The following ERBB4 variants were observed in gnomAD, a reference collection of about 807,000 sequenced individuals.
The protein encoded by ERBB4 is receptor tyrosine-protein kinase erbB-4.
ERBB4 carries 42 observed loss-of-function variants against 158.0 expected under a neutral mutation model. That is an observed-to-expected ratio of 0.27 (90% confidence interval 0.21 to 0.34). ERBB4 has a LOEUF of 0.34. Among genes scored for constraint, ERBB4 ranks in the 10% least tolerant of loss-of-function variants. The pLI, the probability that ERBB4 is intolerant of heterozygous loss-of-function variation, is 1.00. For synonymous variants in ERBB4, 583 were observed against 558.7 expected, an observed-to-expected ratio of 1.04 and a Z score of -0.61; for missense variants, 1,333 against 1,624.1, an observed-to-expected ratio of 0.82 and a Z score of 3.08.
At chr2:211,699,216 G>A (rs1184933969) in intron 12 of ERBB4, among the ~76,000 whole-genome samples, 1 of 152,172 alleles carries the variant, frequency 6.6e-6, no homozygotes, top group Non-Finnish European at 1.5e-5. Flanking sequence ...TTTTCTAGGT[G>A]TGTATATATG....
chr2:212,182,489 G>A (rs1277342861), intron 1 of ERBB4, among the ~76,000 whole-genome samples: 1 of 151,804 alleles, frequency 6.6e-6, no homozygotes, highest in East Asian at 1.9e-4. Context: ...ACTTCCTAGG[G>A]ATGTAAATGC....
intron 12 of ERBB4, among the ~76,000 whole-genome samples, chr2:211,691,329 G>A (rs1388109373): frequency 6.6e-6 from 1 of 152,048 alleles, no homozygotes; most frequent in Admixed American, 6.6e-5. Flanking sequence ...TTTTAATACA[G>A]GGTCTGAGAC....
intron 1 of ERBB4, among the ~76,000 whole-genome samples, chr2:212,130,129 T>C (rs1012898865): frequency 2.6e-5 from 4 of 152,076 alleles, no homozygotes; most frequent in Non-Finnish European, 5.9e-5. Context: ...AATTGAAAAA[T>C]TGTCTTCAGC....
intron 3 of ERBB4, among the ~76,000 whole-genome samples, chr2:211,848,811 A>G (rs1378670364): frequency 6.6e-6 from 1 of 152,068 alleles, no homozygotes; most frequent in Non-Finnish European, 1.5e-5. Context: ...GTAATGCATG[A>G]ATAACAAATA....
intron 20 of ERBB4, among the ~76,000 whole-genome samples, chr2:211,505,914 C>T (rs987988283): frequency 6.8e-6 from 1 of 146,976 alleles, no homozygotes; most frequent in East Asian, 2.1e-4. Context: ...GAGCCAAGAT[C>T]GCACCACTGC....
At chr2:211,575,699 G>A (rs1032380201) in intron 19 of ERBB4, among the ~76,000 whole-genome samples, 1 of 151,980 alleles carries the variant, frequency 6.6e-6, no homozygotes, top group African/African-American at 2.4e-5. Context: ...CAAGCAACTC[G>A]ACAAAATTAG....
intron 18 of ERBB4, among the ~76,000 whole-genome samples, chr2:211,621,798 C>G (rs2069615020): frequency 6.6e-6 from 1 of 151,840 alleles, no homozygotes. Context: ...TATTTCTGTT[C>G]TTCATAAACA....
At chr2:211,393,740 C>CGTGTGTGTGTGT (rs58472959) in intron 25 of ERBB4, among the ~76,000 whole-genome samples, 1 of 146,240 alleles carries the variant, frequency 6.8e-6, no homozygotes, top group Non-Finnish European at 1.5e-5. Context: ...GAGTTAATAG[C>CGTGTGTGTGTGT]GTGTGTGTGT....
chr2:212,047,977 T>C (rs1162100068), intron 2 of ERBB4, among the ~76,000 whole-genome samples: 3 of 152,268 alleles, frequency 2.0e-5, no homozygotes, highest in Non-Finnish European at 4.4e-5. Context: ...TTGATGTGTA[T>C]GGAGAGGGTT....
At chr2:212,058,220 C>A (rs1012339504) in intron 2 of ERBB4, among the ~76,000 whole-genome samples, 2 of 152,176 alleles carry the variant, frequency 1.3e-5, no homozygotes, top group African/African-American at 4.8e-5. Flanking sequence ...GACACATACA[C>A]CCTCCCAAGA....
chr2:212,237,378 G>C (rs2083918482), intron 1 of ERBB4, among the ~76,000 whole-genome samples: 1 of 152,110 alleles, frequency 6.6e-6, no homozygotes, highest in African/African-American at 2.4e-5. Context: ...TCCACTCCAG[G>C]TCTTGTTTGC....
intron 20 of ERBB4, among the ~76,000 whole-genome samples, chr2:211,481,171 T>G (rs115525029): frequency 0.021 from 3,238 of 152,242 alleles, 51 homozygotes; most frequent in Middle Eastern, 0.037. Flanking sequence ...AATACCACTT[T>G]GAACTTAGAA....
At chr2:211,410,831 T>G (rs2063241232) in intron 25 of ERBB4, among the ~76,000 whole-genome samples, 1 of 152,168 alleles carries the variant, frequency 6.6e-6, no homozygotes, top group Non-Finnish European at 1.5e-5. Context: ...CCCAACCCTA[T>G]GAAAATCCTT....
At chr2:212,166,241 A>G (rs2081343350) in intron 1 of ERBB4, among the ~76,000 whole-genome samples, 1 of 152,044 alleles carries the variant, frequency 6.6e-6, no homozygotes. Context: ...CAGCTTTATT[A>G]TTAGGGATCT....
At chr2:212,413,633 G>A (rs2091568617) in intron 1 of ERBB4, among the ~76,000 whole-genome samples, 1 of 151,958 alleles carries the variant, frequency 6.6e-6, no homozygotes, top group Admixed American at 6.6e-5. Flanking sequence ...ATACGATATG[G>A]GAACAGTATG....
At chr2:212,232,971 C>A in intron 1 of ERBB4, among the ~76,000 whole-genome samples, 1 of 152,030 alleles carries the variant, frequency 6.6e-6, no homozygotes, top group East Asian at 1.9e-4. Context: ...AAATTCTAGA[C>A]AGAATTGGAA....
chr2:212,055,844 A>G (rs2077547704), intron 2 of ERBB4, among the ~76,000 whole-genome samples: 1 of 152,230 alleles, frequency 6.6e-6, no homozygotes, highest in African/African-American at 2.4e-5. Flanking sequence ...AGAGGACAAA[A>G]GCCGAAAATT....
intron 1 of ERBB4, among the ~76,000 whole-genome samples, chr2:212,446,744 G>C (rs1560348352): frequency 6.8e-6 from 1 of 147,674 alleles, no homozygotes; most frequent in Non-Finnish European, 1.5e-5. Flanking sequence ...GCATATTTAG[G>C]CTCCATGTGC....
At chr2:211,612,563 C>T (rs950440436) in intron 19 of ERBB4, among the ~76,000 whole-genome samples, 2 of 151,742 alleles carry the variant, frequency 1.3e-5, no homozygotes, top group Non-Finnish European at 2.9e-5. Context: ...GATGAAAACT[C>T]CAGGTGAAGG....
Sources: gnomAD v4.1 joint callset for allele counts (sites outside exome capture counted in the v4.1 genomes callset) on GRCh38, gnomAD v4.1.1 for gene constraint, MANE v1.5 for transcripts, NCBI Gene and HGNC (gene_info 2026-07-23, HGNC 2026-07-21) for gene names.